MYO1B: variants seen among roughly 807,000 people sequenced by gnomAD.
MYO1B encodes myosin IB.
In MYO1B, 72 loss-of-function variants were observed where a neutral mutation model predicts 159.7. That is an observed-to-expected ratio of 0.45 (90% CI 0.37 to 0.55). MYO1B has a LOEUF of 0.55. Ranked by LOEUF, MYO1B falls within the 20% of genes least tolerant of loss-of-function variation. MYO1B has a pLI of 0.00. For synonymous variants in MYO1B, 468 were observed against 473.8 expected (o/e 0.99, Z 0.16); for missense variants, 1,062 against 1,364.8 (o/e 0.78, Z 3.50).
At chr2:191,309,367 G>A (rs1276021854) in intron 3 of MYO1B, among the ~76,000 whole-genome samples, 2 of 152,172 alleles carry the variant, frequency 1.3e-5, no homozygotes, top group African/African-American at 4.8e-5. Flanking sequence ...CCTTTGCTTG[G>A]ATTATGTTGG....
chr2:191,366,081 C>T (rs1017615208), intron 11 of MYO1B, among the ~76,000 whole-genome samples: 3 of 152,068 alleles, frequency 2.0e-5, no homozygotes, highest in Non-Finnish European at 2.9e-5. Context: ...TGAGAGCCAC[C>T]GAGTTTGGAC....
intron 1 of MYO1B, chr2:191,246,170 T>TA (rs1188853451): frequency 6.6e-6 from 1 of 152,188 alleles, no homozygotes; most frequent in Non-Finnish European, 1.5e-5. Flanking sequence ...CCTCCTTTGT[T>TA]CCGCCGCAGC....
rs548609043 is a variant in MYO1B at position 191,304,068 on chromosome 2, T to A, written c.251+7842T>A. Among the ~76,000 whole-genome samples the A allele has an allele frequency of 8.5e-5, 13 of 152,332 alleles. No homozygotes were observed. In the East Asian group the frequency reaches 2.5e-3, roughly 29 times the overall value. ...ACAAGGATTAGAAAACTTCTTGACT[T>A]AGGCGAGTTTCATATCAGCAGTGCA... On this transcript the variant is annotated intron_variant, in intron 3 of 30. Transcript: ENST00000392318.
At chr2:191,392,469 G>A (rs1330866032) in intron 19 of MYO1B, among the ~76,000 whole-genome samples, 1 of 152,148 alleles carries the variant, frequency 6.6e-6, no homozygotes, top group Admixed American at 6.5e-5. Flanking sequence ...TAGGACAACG[G>A]TGCAACATTC....
chr2:191,415,581 TG>T (rs1202087591), intron 29 of MYO1B, among the ~76,000 whole-genome samples: 6 of 147,858 alleles, frequency 4.1e-5, no homozygotes, highest in Admixed American at 3.3e-4. Context: ...ACAAGCATCA[TG>T]TTTTTTTTTT....
chr2:191,423,769 A>G, intron 30 of MYO1B, 68 bp from the exon 31 acceptor site: 1 of 1,522,552 alleles, frequency 6.6e-7, no homozygotes, highest in African/African-American at 1.4e-5. Flanking sequence ...TAAAATACAA[A>G]AGCAAGTGTT....
rs545680230 is a variant in MYO1B at position 191,382,209 on chromosome 2, CT to C, written c.1290+649del. ...ATTGTTATGTTTATATTTTTATTTC[CT>C]TTTTTGTTTATTTGCCTTAATATTT... On this transcript the variant is annotated intron_variant, in intron 14 of 30. Transcript: ENST00000392318. Among the ~76,000 whole-genome samples the C allele has an allele frequency of 1.0e-3, 151 of 151,390 alleles. 2 individuals carry two copies. Among genetic ancestry groups the C allele is most frequent in the African/African-American group, 3.4e-3 (142 of 41,358 alleles).
chr2:191,299,905 A>G (rs1216091012), intron 3 of MYO1B, among the ~76,000 whole-genome samples: 1 of 152,232 alleles, frequency 6.6e-6, no homozygotes, highest in African/African-American at 2.4e-5. Flanking sequence ...ATCTGCCATA[A>G]CTCTGTGAGA....
chr2:191,253,700 C>T (rs192038021), intron 1 of MYO1B, among the ~76,000 whole-genome samples: 9 of 152,326 alleles, frequency 5.9e-5, no homozygotes, highest in Admixed American at 5.2e-4. Context: ...TGACACATCA[C>T]ATGCACATCA....
intron 7 of MYO1B, among the ~76,000 whole-genome samples, chr2:191,356,399 A>T (rs1306941854): frequency 4.0e-5 from 6 of 149,884 alleles, no homozygotes; most frequent in African/African-American, 1.2e-4. Context: ...AAGAAGACAG[A>T]AGTAGTCAAT....
At chr2:191,404,015 C>T (rs1001712164) in intron 24 of MYO1B, among the ~76,000 whole-genome samples, 6 of 152,144 alleles carry the variant, frequency 3.9e-5, no homozygotes, top group African/African-American at 1.4e-4. Context: ...CTTTTTTCCT[C>T]TCAGTCTCCA....
At chr2:191,262,310 G>A (rs887233373) in intron 1 of MYO1B, among the ~76,000 whole-genome samples, 2 of 151,916 alleles carry the variant, frequency 1.3e-5, no homozygotes, top group Non-Finnish European at 2.9e-5. Context: ...TCCCCAGCTG[G>A]CCCACTTTTA....
At chr2:191,288,840 A>G (rs1688534398) in intron 2 of MYO1B, among the ~76,000 whole-genome samples, 1 of 152,246 alleles carries the variant, frequency 6.6e-6, no homozygotes, top group South Asian at 2.1e-4. Flanking sequence ...CGTTGGAAGT[A>G]ATGGCAAAAA....
chr2:191,311,491 C>G (rs1689999926), intron 3 of MYO1B, among the ~76,000 whole-genome samples: 1 of 152,166 alleles, frequency 6.6e-6, no homozygotes, highest in South Asian at 2.1e-4. Context: ...TTAGGAATTG[C>G]TAGTTTTTAA....
intron 1 of MYO1B, chr2:191,263,245 T>A: frequency 9.5e-6 from 8 of 838,860 alleles, no homozygotes; most frequent in Non-Finnish European, 1.1e-5. Context: ...TGACCTACTT[T>A]CCCCTTCTTA....
intron 23 of MYO1B, chr2:191,402,292 A>G (rs899875259): frequency 6.2e-5 from 19 of 306,906 alleles, no homozygotes; most frequent in Admixed American, 9.5e-5. Flanking sequence ...CAGAGTTTGA[A>G]GGCTTTGATA....
At chr2:191,422,554 A>C (rs186704638) in intron 30 of MYO1B, among the ~76,000 whole-genome samples, 167 of 152,206 alleles carry the variant, frequency 1.1e-3, no homozygotes, top group Non-Finnish European at 9.3e-4. Flanking sequence ...AATTTTTATA[A>C]TTTTTATATA....
chr2:191,329,931 G>T lies in MYO1B; in HGVS notation c.252-4G>T, dbSNP rs1691354908. 1 of 1,607,504 alleles carries T rather than the reference G, an allele frequency of 6.2e-7. No homozygotes were observed. Among genetic ancestry groups the T allele is most frequent in the Admixed American group, 1.7e-5 (1 of 59,480 alleles). ...AAGGAATTTTTTTCCATTATCCCCT[G>T]CAGCTTTGCCCTTTCGGATGAAGCA... On this transcript the variant is annotated splice_polypyrimidine_tract_variant and splice_region_variant and intron_variant, in intron 3 of 30. Coordinates refer to ENST00000392318, the MANE Select transcript of MYO1B (RefSeq NM_001130158.3).
At chr2:191,333,361 C>A (rs1195125970) in intron 4 of MYO1B, among the ~76,000 whole-genome samples, 1 of 152,136 alleles carries the variant, frequency 6.6e-6, no homozygotes, top group African/African-American at 2.4e-5. Context: ...TCTCTCTTTA[C>A]CCTCTTATAA....
Sources: gnomAD v4.1 joint callset for allele counts (sites outside exome capture counted in the v4.1 genomes callset) on GRCh38, gnomAD v4.1.1 for gene constraint, MANE v1.5 for transcripts, NCBI Gene and HGNC (gene_info 2026-07-23, HGNC 2026-07-21) for gene names.